CGREF1: variants seen among roughly 807,000 people sequenced by gnomAD.
CGREF1 encodes cell growth regulator with EF-hand domain 1, also known as cell growth regulator with EF hand domain protein 1.
In CGREF1, 16 loss-of-function variants were observed where a neutral mutation model predicts 17.4. That is an observed-to-expected ratio of 0.92 (90% CI 0.62 to 1.40). The LOEUF is 1.40. CGREF1 is among the 40% of genes most tolerant of loss of function. The probability of loss-of-function intolerance (pLI) is 0.00; values close to 1 mark genes in which losing one functional copy is unlikely to be tolerated. For missense variants in CGREF1, 296 were observed against 376.4 expected (o/e 0.79, Z 1.77); for synonymous variants, 142 against 154.6 (o/e 0.92, Z 0.61).
downstream of CGREF1, chr2:27,100,266 G>A (rs982962066): frequency 2.4e-5 from 10 of 411,602 alleles, no homozygotes; most frequent in Admixed American, 1.3e-4. Flanking sequence ...AGTCCACACC[G>A]CTGAGCTGAA....
chr2:27,109,880 C>T (rs569577363), intron 1 of CGREF1, among the ~76,000 whole-genome samples: 45 of 63,872 alleles, frequency 7.0e-4, no homozygotes, highest in Non-Finnish European at 8.5e-5. Context: ...AGGAAGACTC[C>T]GTCTCAAAAA....
In CGREF1 at chr2:27,101,685, C is replaced by T. The variant is rs186258825; in HGVS notation, c.546G>A (p.Gln182=). ...CTTCTTCTCTGGGACCAGGGGCTTC[C>T]TGTGTTTCTTGTCTTAATGGGCTTT... ...LAKSPLRQET[Q]EAPGPREEAK... The change falls in exon 6 of 6, where the codon CAG becomes CAA. Residue 182 remains glutamine, a synonymous_variant. Coordinates refer to ENST00000402394, the MANE Select transcript of CGREF1 (RefSeq NM_006569.6). 3.1e-6 allele frequency: 5 copies of T among 1,614,222 alleles called. No homozygotes were observed. The highest frequency in any genetic ancestry group is 2.2e-5 in the East Asian group (1 of 44,880).
downstream of CGREF1, chr2:27,100,373 G>A (rs192172107): frequency 4.3e-4 from 522 of 1,218,430 alleles, 9 homozygotes; most frequent in Admixed American, 0.011. Context: ...ACCTCCTCCC[G>A]CTGACTGCCC....
rs1463454464 is a variant in CGREF1 at position 27,101,376 on chromosome 2, A to C, written c.855T>G (p.Asn285Lys). Reference sequence around the variant, plus strand: ...CTGGAAGTTCCTTGGCCTCCTCTCCATTCTCCCTGGCCTCTGCCTGGCCCC... The same window carrying C: ...CTGGAAGTTCCTTGGCCTCCTCTCCCTTCTCCCTGGCCTCTGCCTGGCCCC... ...EAGGQAEARENGEEAKELPGE... is the reference protein window; with the variant it reads ...EAGGQAEAREKGEEAKELPGE... Residue 285 changes from asparagine (N) to lysine (K), a missense_variant, in exon 6 of 6, where the codon AAT becomes AAG. This residue lies in a region of CGREF1 where 40 missense variants were observed against 40.8 expected (regional missense o/e 0.98). Coordinates refer to ENST00000402394, the MANE Select transcript of CGREF1 (RefSeq NM_006569.6). The C allele has an allele frequency of 4.3e-6, 7 of 1,613,434 alleles. No homozygotes were observed. The highest frequency in any genetic ancestry group is 1.3e-5 in the African/African-American group (1 of 74,850).
intron 1 of CGREF1, among the ~76,000 whole-genome samples, chr2:27,113,714 A>C (rs1426004867): frequency 6.6e-6 from 1 of 152,146 alleles, no homozygotes; most frequent in African/African-American, 2.4e-5. Flanking sequence ...CACCTCTGGC[A>C]GGGCTGTGGT....
chr2:27,105,502 A>G (rs1671083897), intron 1 of CGREF1, among the ~76,000 whole-genome samples: 1 of 152,200 alleles, frequency 6.6e-6, no homozygotes, highest in Non-Finnish European at 1.5e-5. Context: ...ATGGAAGTCC[A>G]CAAGAAGATG....
intron 1 of CGREF1, among the ~76,000 whole-genome samples, chr2:27,108,242 G>T (rs916227962): frequency 6.6e-6 from 1 of 152,080 alleles, no homozygotes; most frequent in Non-Finnish European, 1.5e-5. Context: ...GCGACAGAGT[G>T]AGACTGTCTT....
Position 27,101,635 on chromosome 2 carries a change from C to G in CGREF1, c.596G>C (p.Arg199Thr), listed in dbSNP as rs1670858149. 1 of 1,614,062 alleles carries G rather than the reference C, an allele frequency of 6.2e-7. No homozygotes were observed. Among genetic ancestry groups the G allele is most frequent in the Non-Finnish European group, 8.5e-7 (1 of 1,180,034 alleles). ...EEAKGQVEAR[R>T]ESLDPVQEPG... ...CTCCTGGACAGGATCCAAAGACTCC[C>G]TTCTGGCCTCTACCTGGCCCTTTGC... The change falls in exon 6 of 6, where the codon AGG becomes ACG. Residue 199 changes from arginine to threonine, a missense_variant. By Grantham distance (71) the Arg-to-Thr change is moderately conservative. Around this residue, in one of 3 missense-constraint regions of CGREF1, gnomAD observed 247 missense variants for 267.2 expected, o/e 0.92. Transcript: ENST00000402394.
At chr2:27,102,475 G>A in intron 3 of CGREF1, 45 bp from the exon 4 acceptor site, 1 of 1,612,874 alleles carries the variant, frequency 6.2e-7, no homozygotes, top group Non-Finnish European at 8.5e-7. Flanking sequence ...TGAGTCTGCA[G>A]CCCTGGGCCT....
intron 1 of CGREF1, chr2:27,104,628 G>A (rs1007789331): frequency 6.4e-7 from 1 of 1,550,578 alleles, no homozygotes; most frequent in Non-Finnish European, 8.7e-7. Context: ...AGCAGAGCTG[G>A]GGGCGCATCC....
chr2:27,109,491 G>A lies in CGREF1; in HGVS notation c.-11-5114C>T, dbSNP rs576986950. Among the ~76,000 whole-genome samples the A allele has an allele frequency of 4.3e-4, 66 of 152,180 alleles. 2 individuals are homozygous for A. In the South Asian group the frequency reaches 0.013, roughly 31 times the overall value. On this transcript the variant is annotated intron_variant, in intron 1 of 5. Coordinates refer to ENST00000402394, the MANE Select transcript of CGREF1 (RefSeq NM_006569.6). Reference sequence around the variant, plus strand: ...AACAATGCTAATTATGTTAATATATGAGGCAAAAAAGCTGGTCTGAACTAC... The same window carrying A: ...AACAATGCTAATTATGTTAATATATAAGGCAAAAAAGCTGGTCTGAACTAC...
At chr2:27,112,219 T>A (rs1201312125) in intron 1 of CGREF1, among the ~76,000 whole-genome samples, 1 of 152,102 alleles carries the variant, frequency 6.6e-6, no homozygotes, top group Non-Finnish European at 1.5e-5. Flanking sequence ...GAGACTGCAG[T>A]GAGCTGTGAT....
At chr2:27,099,433 T>A, downstream of CGREF1, 1 of 1,613,944 alleles carries the variant, frequency 6.2e-7, no homozygotes. Context: ...TGTGCTTGTC[T>A]GTGCCTGGGC....
At position 27,101,609 on chromosome 2, in the gene CGREF1, G is replaced by A. The variant is rs771500511; in HGVS notation, c.622C>T (p.Pro208Ser). Residue 208 changes from proline (P) to serine (S), a missense_variant, in exon 6 of 6, where the codon CCT becomes TCT. By Grantham distance (74) the Pro-to-Ser change is moderately conservative. Coordinates refer to ENST00000402394, the MANE Select transcript of CGREF1 (RefSeq NM_006569.6). ...RRESLDPVQE[P>S]GGQAEADGDV... ...CCATCAGCCTCTGCCTGGCCCCCAG[G>A]CTCCTGGACAGGATCCAAAGACTCC... 6.2e-7 allele frequency: 1 copy of A among 1,613,914 alleles called. No homozygotes were observed. Among genetic ancestry groups the A allele is most frequent in the Non-Finnish European group, 8.5e-7 (1 of 1,180,004 alleles).
At chr2:27,109,471 T>A (rs1354252741) in intron 1 of CGREF1, among the ~76,000 whole-genome samples, 1 of 151,678 alleles carries the variant, frequency 6.6e-6, no homozygotes, top group Non-Finnish European at 1.5e-5. Context: ...TGTTAAACAA[T>A]GCTAATTATG....
At chr2:27,102,708 C>A in intron 2 of CGREF1, 117 bp from the exon 3 acceptor site, 1 of 1,153,168 alleles carries the variant, frequency 8.7e-7, no homozygotes, top group Non-Finnish European at 1.2e-6. Flanking sequence ...GGAGTTGCCC[C>A]CAAAATTCCA....
chr2:27,101,933 T>G (rs1558457982), intron 5 of CGREF1, 45 bp from the exon 6 acceptor site: 1 of 1,595,066 alleles, frequency 6.3e-7, no homozygotes, highest in Admixed American at 1.7e-5. Flanking sequence ...ACAGAGATGT[T>G]CCCAGGAGTT....
chr2:27,108,815 T>G (rs1295696835), intron 1 of CGREF1, among the ~76,000 whole-genome samples: 1 of 151,976 alleles, frequency 6.6e-6, no homozygotes, highest in Non-Finnish European at 1.5e-5. Flanking sequence ...GAAGCAAATT[T>G]ATTTATTTAT....
At chr2:27,108,395 T>C (rs149241510) in intron 1 of CGREF1, among the ~76,000 whole-genome samples, 286 of 152,186 alleles carry the variant, frequency 1.9e-3, no homozygotes, top group African/African-American at 6.7e-3. Context: ...GTCAAAGACA[T>C]AGAAAATATA....
Sources: allele counts gnomAD v4.1 joint callset (sites outside exome capture counted in the v4.1 genomes callset), GRCh38; gene constraint gnomAD v4.1.1; regional missense constraint gnomAD v4.1.1; transcripts MANE v1.5; gene names NCBI Gene and HGNC (gene_info 2026-07-23, HGNC 2026-07-21).